The following LAMB1 variants were observed in gnomAD, a reference collection of about 807,000 sequenced individuals.
The protein encoded by LAMB1 is laminin subunit beta 1, also known as laminin subunit beta-1.
A neutral mutation model predicts 222.3 loss-of-function variants in LAMB1; 121 were observed. The observed-to-expected ratio is 0.54, with a 90% CI of 0.47 to 0.63. The LOEUF (loss-of-function observed/expected upper bound fraction) is 0.63, where lower values mean the gene tolerates loss of function less well. Ranked by LOEUF, LAMB1 falls within the 30% of genes least tolerant of loss-of-function variation. LAMB1 has a pLI of 0.00. For synonymous variants in LAMB1, 794 were observed against 807.2 expected, an observed-to-expected ratio of 0.98 and a Z score of 0.28; for missense variants, 2,172 against 2,240.8, an observed-to-expected ratio of 0.97 and a Z score of 0.62.
rs781240402 is a variant in LAMB1, at chr7:107,926,169, A to T, written c.5064+14T>A. On this transcript the variant is annotated intron_variant, in intron 32 of 33. Coordinates refer to ENST00000222399, the MANE Select transcript of LAMB1 (RefSeq NM_002291.3). ...TTTAACAACATAGCTCTGAAATTAC[A>T]AAGATTTACGTACCTTCTTAACATC... 5.6e-6 allele frequency: 9 copies of T among 1,606,936 alleles called. No homozygotes were observed. The highest frequency in any genetic ancestry group is 7.7e-6 in the Non-Finnish European group (9 of 1,174,022).
chr7:108,000,159 A>C (rs1388685735), intron 3 of LAMB1, among the ~76,000 whole-genome samples: 1 of 151,884 alleles, frequency 6.6e-6, no homozygotes, highest in East Asian at 1.9e-4. Context: ...AATAACTTGT[A>C]GTCAAGGAAA....
At chr7:107,968,064 G>A (rs1237225897) in intron 13 of LAMB1, among the ~76,000 whole-genome samples, 1 of 152,044 alleles carries the variant, frequency 6.6e-6, no homozygotes, top group African/African-American at 2.4e-5. Context: ...ACCAGATCTC[G>A]ACCTTGCTAC....
chr7:107,927,947 A>T (rs950230723), intron 31 of LAMB1, among the ~76,000 whole-genome samples: 1 of 152,342 alleles, frequency 6.6e-6, no homozygotes, highest in South Asian at 2.1e-4. Context: ...TGGCCTGAGA[A>T]GGCTGACAAT....
intron 5 of LAMB1, among the ~76,000 whole-genome samples, chr7:107,993,787 T>G (rs1221197454): frequency 6.6e-6 from 1 of 152,158 alleles, no homozygotes; most frequent in Admixed American, 6.5e-5. Flanking sequence ...AAGGAGTAGT[T>G]GACAATTTAT....
intron 25 of LAMB1, among the ~76,000 whole-genome samples, chr7:107,938,064 T>G (rs2032889458): frequency 6.6e-6 from 1 of 152,154 alleles, no homozygotes; most frequent in African/African-American, 2.4e-5. Context: ...GTATGTGTAT[T>G]GTAAAGAAAG....
chr7:107,963,940 A>G (rs953540397), intron 14 of LAMB1, among the ~76,000 whole-genome samples: 7 of 152,176 alleles, frequency 4.6e-5, no homozygotes, highest in African/African-American at 1.7e-4. Context: ...CCCTACTAAA[A>G]ATACAAAATT....
At position 107,924,249 on chromosome 7, in the gene LAMB1, G is replaced by C; in HGVS notation, c.5205C>G (p.Ser1735Arg). 1.2e-6 allele frequency: 2 copies of C among 1,610,726 alleles called. No homozygotes were observed. The highest frequency in any genetic ancestry group is 1.7e-6 in the Non-Finnish European group (2 of 1,178,984). The change falls in exon 33 of 34, where the codon AGC (serine) becomes AGG (arginine). Residue 1735 changes from serine to arginine, a missense_variant. Ser to Arg is a moderately radical substitution (Grantham distance 110, BLOSUM62 -1). Transcript: ENST00000222399. ...EAKTLLAQAN[S>R]KLQLLKDLER... ...ACCCACCTTTGAGCAGTTGCAGCTT[G>C]CTATTTGCTTGAGCTAAAAGAGTTT... is the stretch of plus-strand genomic sequence containing the variant.
rs1584516875 is a variant in LAMB1, at chr7:107,969,553, C to A, written c.1562+3439G>T. Among the ~76,000 whole-genome samples, 4 of 152,182 alleles carry A rather than the reference C, an allele frequency of 2.6e-5. 1 individual carries two copies. Among genetic ancestry groups the A allele is most frequent in the South Asian group, 4.1e-4 (2 of 4,834 alleles). ...TTTGGTAAGACCTACGTCCTATAATCCTGTTCTATCACAGTATAGTCATGT... is the reference window on the plus strand; with the variant it reads ...TTTGGTAAGACCTACGTCCTATAATACTGTTCTATCACAGTATAGTCATGT... On this transcript the variant is annotated intron_variant, in intron 13 of 33. Transcript: ENST00000222399.
At chr7:107,926,855 G>C (rs899853537) in intron 31 of LAMB1, among the ~76,000 whole-genome samples, 1 of 152,072 alleles carries the variant, frequency 6.6e-6, no homozygotes, top group African/African-American at 2.4e-5. Flanking sequence ...AATTTCTATA[G>C]AATTGTGAGA....
At chr7:107,999,013 G>C (rs1018318429) in intron 3 of LAMB1, among the ~76,000 whole-genome samples, 1 of 152,212 alleles carries the variant, frequency 6.6e-6, no homozygotes, top group Admixed American at 6.5e-5. Context: ...CACCCTGCCC[G>C]AGCAGTGAAT....
chr7:107,951,553 A>T (rs2033251428), intron 23 of LAMB1, among the ~76,000 whole-genome samples: 1 of 152,108 alleles, frequency 6.6e-6, no homozygotes, highest in African/African-American at 2.4e-5. Context: ...GTTATTATTT[A>T]TTTACATATT....
At chr7:107,955,436 C>A in intron 21 of LAMB1, 31 bp downstream of exon 21, 1 of 1,579,354 alleles carries the variant, frequency 6.3e-7, no homozygotes, top group Admixed American at 1.8e-5. Context: ...TTTTCTCTCT[C>A]TTTGCCTCCC....
intron 24 of LAMB1, among the ~76,000 whole-genome samples, chr7:107,944,043 T>A (rs1202143016): frequency 6.6e-6 from 1 of 152,232 alleles, no homozygotes; most frequent in Non-Finnish European, 1.5e-5. Flanking sequence ...CTCACCCATC[T>A]CCCTTAGACT....
chr7:107,966,286 C>T (rs562349952), intron 13 of LAMB1, among the ~76,000 whole-genome samples: 1 of 152,074 alleles, frequency 6.6e-6, no homozygotes, highest in African/African-American at 2.4e-5. Flanking sequence ...TCTCGGTTCA[C>T]TGCAACCTCC....
At chr7:107,988,021 T>C (rs989027945) in intron 5 of LAMB1, among the ~76,000 whole-genome samples, 1 of 152,166 alleles carries the variant, frequency 6.6e-6, no homozygotes, top group Non-Finnish European at 1.5e-5. Flanking sequence ...TGGACATGGA[T>C]GATACAAAAC....
intron 26 of LAMB1, among the ~76,000 whole-genome samples, chr7:107,936,588 A>C (rs2032852813): frequency 6.6e-6 from 1 of 152,232 alleles, no homozygotes; most frequent in Admixed American, 6.5e-5. Flanking sequence ...GTCCAAAAGC[A>C]ATCATGCATA....
At chr7:107,955,328 C>T in intron 21 of LAMB1, 139 bp downstream of exon 21, 1 of 716,344 alleles carries the variant, frequency 1.4e-6, no homozygotes, top group Non-Finnish European at 2.1e-6. Flanking sequence ...AGGAAAAGAG[C>T]ATCTTTTCTA....
At position 107,955,608 on chromosome 7, in the gene LAMB1, C is replaced by T. The variant is rs765478571; in HGVS notation, c.2713G>A (p.Asp905Asn). 6.8e-6 allele frequency: 11 copies of T among 1,613,242 alleles called. No individual in the cohort carries two copies. The highest frequency in any genetic ancestry group is 5.3e-5 in the African/African-American group (4 of 74,902). Residue 905 changes from aspartate to asparagine, a missense_variant, in exon 21 of 34, where the codon GAC (aspartate) becomes AAC (asparagine). Coordinates refer to ENST00000222399, the MANE Select transcript of LAMB1 (RefSeq NM_002291.3). ...TGATCTCCTGACCCAATGATGGGGT[C>T]GCCATAGTAACCAGCCAAGCACCTG... Reference protein sequence around the residue: ...CERCLAGYYGDPIIGSGDHCR... With the variant: ...CERCLAGYYGNPIIGSGDHCR...
At position 107,935,577 on chromosome 7, in the gene LAMB1, G is replaced by T. The variant is rs760243621; in HGVS notation, c.4026C>A (p.Pro1342=). Residue 1342 remains proline (P), a synonymous_variant, in exon 27 of 34, where the codon CCC becomes CCA. Coordinates refer to ENST00000222399, the MANE Select transcript of LAMB1 (RefSeq NM_002291.3). ...GGGCTGACTGCTCCACAGTGCTGTTGGGTTCTGTGGTGGAGGCATTCACCC... is the reference window on the plus strand; with the variant it reads ...GGGCTGACTGCTCCACAGTGCTGTTTGGTTCTGTGGTGGAGGCATTCACCC... ...EERVNASTTE[P]NSTVEQSALM... is the part of the protein sequence containing the mutation. 1 of 1,613,712 alleles carries T rather than the reference G, an allele frequency of 6.2e-7. No individual in the cohort carries two copies. The highest frequency in any genetic ancestry group is 8.5e-7 in the Non-Finnish European group (1 of 1,179,910).
Sources: gnomAD v4.1 joint callset for allele counts (sites outside exome capture counted in the v4.1 genomes callset) on GRCh38, gnomAD v4.1.1 for gene constraint, MANE v1.5 for transcripts, NCBI Gene and HGNC (gene_info 2026-07-23, HGNC 2026-07-21) for gene names.